IQSEC1: variants seen among roughly 807,000 people sequenced by gnomAD.
IQSEC1 encodes the protein IQ motif and Sec7 domain ArfGEF 1.
In IQSEC1, 31 loss-of-function variants were observed where a neutral mutation model predicts 91.0. The observed-to-expected ratio is 0.34, with a 90% CI of 0.26 to 0.46. The LOEUF (loss-of-function observed/expected upper bound fraction) is 0.46. IQSEC1 is among the 20% of genes least tolerant of loss of function. IQSEC1 has a pLI of 1.00. For missense variants in IQSEC1, 1,388 were observed against 1,575.6 expected, an observed-to-expected ratio of 0.88 and a Z score of 2.02; for synonymous variants, 699 against 662.6, an observed-to-expected ratio of 1.05 and a Z score of -0.84.
chr3:12,944,948 GC>G (rs1248499592), intron 1 of IQSEC1, among the ~76,000 whole-genome samples: 1 of 152,210 alleles, frequency 6.6e-6, no homozygotes, highest in African/African-American at 2.4e-5. Context: ...CCTTCACCAA[GC>G]CCTTTCTAAC....
Position 13,054,599 on chromosome 3 carries a change from TC to T in IQSEC1, c.23+18392del, listed in dbSNP as rs1342207593. On this transcript the variant is annotated intron_variant, in intron 1 of 13. Transcript: ENST00000613206. ...AAGGGAGCCTAACAGCGATGCCAGG[TC>T]CCCCAGGCTTACTGTGCCCCTTGAG... Among the ~76,000 whole-genome samples the T allele has an allele frequency of 2.6e-5, 4 of 152,202 alleles. No individual in the cohort carries two copies. In the East Asian group the frequency reaches 7.7e-4, roughly 29 times the overall value.
chr3:13,183,086 C>T lies in IQSEC1; in HGVS notation c.273-18953G>A, dbSNP rs556990798. Among the ~76,000 whole-genome samples the T allele has an allele frequency of 2.4e-3, 371 of 152,112 alleles. 3 individuals are homozygous for T. The highest frequency in any genetic ancestry group is 6.8e-3 in the Middle Eastern group (2 of 294). ...GGCTGAGGCAGGAGAATCACTTGAA[C>T]CTGGGAGGCAGAGGCTGCAGTGAGC... On this transcript the variant is annotated intron_variant, in intron 1 of 15. Coordinates refer to the IQSEC1 transcript ENST00000648114.
intron 1 of IQSEC1, among the ~76,000 whole-genome samples, chr3:13,222,324 T>A (rs983314622): frequency 2.0e-5 from 3 of 152,222 alleles, no homozygotes; most frequent in Non-Finnish European, 4.4e-5. Context: ...CCTTCCTTTT[T>A]AGGGTGAATC....
intron 1 of IQSEC1, among the ~76,000 whole-genome samples, chr3:13,203,641 A>G (rs1386213254): frequency 6.6e-6 from 1 of 152,188 alleles, no homozygotes; most frequent in Non-Finnish European, 1.5e-5. Context: ...CTGCGCTTGC[A>G]GTACCCTTAG....
At chr3:12,972,740 G>C (rs1700967520) in intron 1 of IQSEC1, among the ~76,000 whole-genome samples, 1 of 152,188 alleles carries the variant, frequency 6.6e-6, no homozygotes, top group Admixed American at 6.5e-5. Flanking sequence ...ACTGACCCGA[G>C]GCTTCATGCC....
chr3:12,997,421 G>A (rs1337560483), intron 1 of IQSEC1, among the ~76,000 whole-genome samples: 1 of 152,140 alleles, frequency 6.6e-6, no homozygotes, highest in Non-Finnish European at 1.5e-5. Flanking sequence ...GTCAACAGGG[G>A]TTATCTGGGC....
At chr3:13,099,105 T>C (rs1706014685) in intron 2 of IQSEC1, among the ~76,000 whole-genome samples, 1 of 152,164 alleles carries the variant, frequency 6.6e-6, no homozygotes, top group South Asian at 2.1e-4. Flanking sequence ...TGGGCTGAGC[T>C]ACAGGTCCAG....
At chr3:13,003,138 T>TG (rs1702492225) in intron 1 of IQSEC1, among the ~76,000 whole-genome samples, 2 of 152,050 alleles carry the variant, frequency 1.3e-5, no homozygotes, top group African/African-American at 4.8e-5. Flanking sequence ...TGGAATGTTA[T>TG]TATTCAGCAG....
At chr3:13,072,148 C>A (rs1705453616) in intron 1 of IQSEC1, among the ~76,000 whole-genome samples, 1 of 152,246 alleles carries the variant, frequency 6.6e-6, no homozygotes, top group Non-Finnish European at 1.5e-5. Flanking sequence ...CTCCTAAGGT[C>A]TGAGGTCACT....
At chr3:13,012,753 G>A (rs1016353716) in intron 1 of IQSEC1, among the ~76,000 whole-genome samples, 7 of 152,160 alleles carry the variant, frequency 4.6e-5, no homozygotes, top group African/African-American at 1.7e-4. Context: ...CTGCGATTCC[G>A]CCATTCCCGA....
rs1019786956 is a variant in IQSEC1 at position 13,207,559 on chromosome 3, C to T, written c.273-43426G>A. 2.0e-5 allele frequency among the ~76,000 whole-genome samples: 3 copies of T among 152,210 alleles called. No individual in the cohort carries two copies. The highest frequency in any genetic ancestry group is 4.4e-5 in the Non-Finnish European group (3 of 68,036). ...TTCGTACTCCACGCCAGTTCCCATTCGCAGCCCAGTCAAGAGGATTTGGCA... is the reference window on the plus strand; with the variant it reads ...TTCGTACTCCACGCCAGTTCCCATTTGCAGCCCAGTCAAGAGGATTTGGCA... On this transcript the variant is annotated intron_variant, in intron 1 of 15. Coordinates refer to the IQSEC1 transcript ENST00000648114. The surrounding 1 kb of genome is among the most constrained non-coding windows in gnomAD (Gnocchi z 4.8).
chr3:12,943,004 G>T (rs958283359), intron 1 of IQSEC1, among the ~76,000 whole-genome samples: 1 of 152,268 alleles, frequency 6.6e-6, no homozygotes, highest in Non-Finnish European at 1.5e-5. Context: ...AGGCCCCTGT[G>T]TGTGGTGTGT....
rs2125117864 is a variant in IQSEC1 at position 13,073,222 on chromosome 3, C to CTGGCACG, written c.-215_-209dup. On this transcript the variant is annotated 5_prime_UTR_variant, in exon 1 of 14. Coordinates refer to ENST00000613206, the MANE Select transcript of IQSEC1 (RefSeq NM_001134382.3). The stretch of plus-strand genomic sequence containing the variant: ...CGCCAGCAGCGGGCTGTGGAGGGCC[C>CTGGCACG]TGGCACGTAGCGCGCGCTCACACCG... 1 of 627,506 alleles carries CTGGCACG rather than the reference C, an allele frequency of 1.6e-6. No individual in the cohort carries two copies. 38.9% of individuals were successfully genotyped at this position (627,506 alleles called of 1,614,324 possible).
intron 1 of IQSEC1, among the ~76,000 whole-genome samples, chr3:12,950,668 A>C (rs1019543148): frequency 9.4e-5 from 14 of 148,210 alleles, no homozygotes; most frequent in Admixed American, 8.8e-4. Flanking sequence ...TTTGATACGG[A>C]GTCTCACTCT....
chr3:12,962,248 C>G (rs1033505214), intron 1 of IQSEC1, among the ~76,000 whole-genome samples: 1 of 152,212 alleles, frequency 6.6e-6, no homozygotes, highest in Non-Finnish European at 1.5e-5. Flanking sequence ...ATCTACCGGG[C>G]CCTTGCTATG....
rs1269311448 is a variant in IQSEC1 at position 12,992,331 on chromosome 3, T to A, written c.24-50466A>T. ...CCCCAAGTCACCTCTCAGTTTATCTTTTCCTGTGGGGGGTGGGGGGTGGGA... is the reference window on the plus strand; with the variant it reads ...CCCCAAGTCACCTCTCAGTTTATCTATTCCTGTGGGGGGTGGGGGGTGGGA... On this transcript the variant is annotated intron_variant, in intron 1 of 13. Transcript: ENST00000613206. This position sits in a 1 kb window ranked among gnomAD's most constrained non-coding sequence, Gnocchi z 4.1. 8.0e-6 allele frequency among the ~76,000 whole-genome samples: 1 copy of A among 124,554 alleles called. No individual in the cohort carries two copies. The highest frequency in any genetic ancestry group is 1.6e-5 in the Non-Finnish European group (1 of 61,812). The allele number at this position is 124,554 out of a possible 152,430, so 81.7% of individuals were successfully genotyped here.
intron 2 of IQSEC1, among the ~76,000 whole-genome samples, chr3:13,107,011 C>T (rs879259341): frequency 1.3e-5 from 2 of 152,140 alleles, no homozygotes; most frequent in Non-Finnish European, 2.9e-5. Context: ...TGGCTTAAAT[C>T]ATCATGAAAT....
At chr3:12,911,757 TAC>T in intron 9 of IQSEC1, 29 bp from the exon 10 acceptor site, 2 of 1,497,782 alleles carry the variant, frequency 1.3e-6, no homozygotes, top group Non-Finnish European at 1.9e-6. Flanking sequence ...AGAGCTGAGC[TAC>T]AGTGTCTCGG....
chr3:13,100,030 C>T lies in IQSEC1; in HGVS notation c.303-52508G>A, dbSNP rs770581270. 1.5e-4 allele frequency among the ~76,000 whole-genome samples: 19 copies of T among 124,504 alleles called. 2 individuals are homozygous for T. Among genetic ancestry groups the T allele is most frequent in the Admixed American group, 8.4e-4 (11 of 13,140 alleles). The allele number at this position is 124,504 out of a possible 152,430, so 81.7% of individuals were successfully genotyped here. On this transcript the variant is annotated intron_variant, in intron 2 of 15. Coordinates refer to the IQSEC1 transcript ENST00000648114. Reference sequence around the variant, plus strand: ...TGGAAGGACTCGGCCTTCACTCTGGCGCAGGAGCCTTGGGAGAGTTCCGAG... The same window carrying T: ...TGGAAGGACTCGGCCTTCACTCTGGTGCAGGAGCCTTGGGAGAGTTCCGAG...
Sources: allele counts gnomAD v4.1 joint callset (sites outside exome capture counted in the v4.1 genomes callset), GRCh38; gene constraint gnomAD v4.1.1; non-coding constraint Gnocchi (gnomAD v3.1); transcripts MANE v1.5; gene names NCBI Gene and HGNC (gene_info 2026-07-23, HGNC 2026-07-21).